PNKD: variants seen among roughly 807,000 people sequenced by gnomAD.
PNKD encodes the protein PNKD metallo-beta-lactamase domain containing.
A neutral mutation model predicts 45.3 loss-of-function variants in PNKD; 36 were observed. That is an observed-to-expected ratio of 0.80 (90% confidence interval 0.61 to 1.05). PNKD has a LOEUF of 1.05. Ranked by LOEUF, PNKD falls within the 50% of genes least tolerant of loss-of-function variation. The pLI is 0.00. For missense variants in PNKD, 511 were observed against 506.6 expected, an observed-to-expected ratio of 1.01 and a Z score of -0.08; for synonymous variants, 197 against 210.1, an observed-to-expected ratio of 0.94 and a Z score of 0.54.
At chr2:218,300,233 CTGAT>C (rs931236872) in intron 2 of PNKD, among the ~76,000 whole-genome samples, 2 of 152,216 alleles carry the variant, frequency 1.3e-5, no homozygotes, top group African/African-American at 4.8e-5. Flanking sequence ...ACGGTCCTGA[CTGAT>C]CTCGCTTTAA....
At position 218,346,216 on chromosome 2, in the gene PNKD, A is replaced by G. The variant is rs1694824156; in HGVS notation, c.*1235A>G. ...CACAGCGAGGAACCCTGTGGTCCTCAGGCAGGTGTACCTTGAGTCAGCCAG... is the reference window on the plus strand; with the variant it reads ...CACAGCGAGGAACCCTGTGGTCCTCGGGCAGGTGTACCTTGAGTCAGCCAG... On this transcript the variant is annotated 3_prime_UTR_variant, in exon 10 of 10. Coordinates refer to ENST00000273077, the MANE Select transcript of PNKD (RefSeq NM_015488.5). The G allele has an allele frequency of 6.6e-6, 1 of 152,664 alleles. No individual in the cohort carries two copies. Among genetic ancestry groups the G allele is most frequent in the Non-Finnish European group, 1.5e-5 (1 of 68,064 alleles). 9.5% of individuals were successfully genotyped at this position (152,664 alleles called of 1,614,324 possible). A position where few individuals can be genotyped will look rare whatever the true frequency, so the allele number is the denominator to read the frequency against.
chr2:218,303,537 G>A (rs1473698514), intron 2 of PNKD, among the ~76,000 whole-genome samples: 1 of 149,648 alleles, frequency 6.7e-6, no homozygotes, highest in Non-Finnish European at 1.5e-5. Flanking sequence ...ACCCTGAGGT[G>A]TCAATACCCC....
At position 218,277,422 on chromosome 2, in the gene PNKD, T is replaced by C. The variant is rs552204188; in HGVS notation, c.236+5873T>C. 6.8e-6 allele frequency: 11 copies of C among 1,614,188 alleles called. No individual in the cohort carries two copies. The Admixed American group carries it at 1.2e-4, about 17-fold the overall frequency. ...ATGGATACCACCGCAGTGATGATCA[T>C]TGCAATGATGACGGCTTTGGTTTGG... is the stretch of plus-strand genomic sequence containing the variant. On this transcript the variant is annotated intron_variant, in intron 2 of 9. Transcript: ENST00000273077.
chr2:218,305,711 T>C (rs1309079820), intron 2 of PNKD, among the ~76,000 whole-genome samples: 1 of 152,142 alleles, frequency 6.6e-6, no homozygotes, highest in Non-Finnish European at 1.5e-5. Flanking sequence ...GTGTGCCCCC[T>C]TCCGCCCCCA....
intron 2 of PNKD, among the ~76,000 whole-genome samples, chr2:218,322,037 C>T (rs923297390): frequency 4.0e-5 from 6 of 150,182 alleles, no homozygotes; most frequent in Non-Finnish European, 7.4e-5. Flanking sequence ...ATTCTCCTGT[C>T]TCAGCCTCCC....
At chr2:218,311,395 C>T (rs1385414177) in intron 2 of PNKD, among the ~76,000 whole-genome samples, 9 of 152,306 alleles carry the variant, frequency 5.9e-5, no homozygotes, top group East Asian at 3.9e-4. Context: ...GGACCCGCAC[C>T]GGTGCCGGCC....
At chr2:218,297,684 CAAAAAAA>C (rs71064428) in intron 2 of PNKD, among the ~76,000 whole-genome samples, 8 of 41,984 alleles carry the variant, frequency 1.9e-4, no homozygotes, top group Non-Finnish European at 1.2e-4. Context: ...GACTCCGTCT[CAAAAAAA>C]AAAAAAAAAA....
intron 2 of PNKD, among the ~76,000 whole-genome samples, chr2:218,328,261 AC>A (rs1289433510): frequency 6.6e-6 from 1 of 152,020 alleles, no homozygotes; most frequent in African/African-American, 2.4e-5. Context: ...AGACAACCCT[AC>A]CATCAGGCCT....
chr2:218,343,575 T>C lies in PNKD; in HGVS notation c.857T>C (p.Leu286Pro). The change falls in exon 8 of 10, where the codon CTT (leucine) becomes CCT (proline). Residue 286 changes from leucine (L) to proline (P), a missense_variant. Leu to Pro is a moderately conservative substitution (Grantham distance 98). Transcript: ENST00000273077. ...GTGCTGGGGCTAGGGGATGACACCCTTCTGTGGCCTGGTGAGACACCCCCT... is the reference window on the plus strand; with the variant it reads ...GTGCTGGGGCTAGGGGATGACACCCCTCTGTGGCCTGGTGAGACACCCCCT... ...DTVLGLGDDT[L>P]LWPGHEYAEE... 6.2e-7 allele frequency: 1 copy of C among 1,612,418 alleles called. No individual in the cohort carries two copies. Among genetic ancestry groups the C allele is most frequent in the Non-Finnish European group, 8.5e-7 (1 of 1,179,134 alleles).
chr2:218,272,938 T>C, intron 2 of PNKD: 2 of 1,475,642 alleles, frequency 1.4e-6, no homozygotes, highest in African/African-American at 1.4e-5. Flanking sequence ...GAGTGTTTAG[T>C]AGAAAGGAAC....
intron 2 of PNKD, chr2:218,318,248 G>C (rs954895927): frequency 2.0e-5 from 3 of 152,346 alleles, no homozygotes; most frequent in African/African-American, 7.2e-5. Context: ...GGCCAGACCT[G>C]CATGATCGCC....
intron 6 of PNKD, 42 bp downstream of exon 6, chr2:218,341,668 C>T: frequency 2.2e-6 from 3 of 1,370,414 alleles, no homozygotes; most frequent in African/African-American, 1.4e-5. Context: ...TTCCATGGGC[C>T]CTTTCCCCCA....
At chr2:218,333,492 C>T (rs1694389305) in intron 2 of PNKD, among the ~76,000 whole-genome samples, 1 of 152,230 alleles carries the variant, frequency 6.6e-6, no homozygotes, top group African/African-American at 2.4e-5. Context: ...AGTTGCTAAA[C>T]ATCTTCCACT....
intron 2 of PNKD, among the ~76,000 whole-genome samples, chr2:218,331,418 A>C (rs1305820080): frequency 6.6e-6 from 1 of 151,892 alleles, no homozygotes; most frequent in East Asian, 1.9e-4. Flanking sequence ...AAAAAAAAAA[A>C]CCCAAAACAA....
chr2:218,296,004 C>T (rs139599562), intron 2 of PNKD, among the ~76,000 whole-genome samples: 8 of 152,128 alleles, frequency 5.3e-5, no homozygotes, highest in African/African-American at 1.7e-4. Context: ...AGCACCACCA[C>T]GCCCGGCTAA....
rs748395743 is a variant in PNKD, at chr2:218,323,253, G to C, written c.237-16530G>C. 6 of 1,482,590 alleles carry C rather than the reference G, an allele frequency of 4.0e-6. No homozygotes were observed. In the Admixed American group the frequency reaches 7.2e-5, roughly 18 times the overall value. The allele number at this position is 1,482,590 out of a possible 1,614,324, so 91.8% of individuals were successfully genotyped here. On this transcript the variant is annotated intron_variant, in intron 2 of 9. Transcript: ENST00000273077. ...ACGCCGAGCCCCGCCCGGCCGGCGC[G>C]TGCCTGCCCCCAGCATGGCTTGGCA...
In PNKD at chr2:218,342,138, G is replaced by A. The variant is rs1397708540; in HGVS notation, c.775G>A (p.Gly259Ser). The A allele has an allele frequency of 6.2e-7, 1 of 1,612,772 alleles. No individual in the cohort carries two copies. Among genetic ancestry groups the A allele is most frequent in the South Asian group, 1.1e-5 (1 of 91,086 alleles). The part of the protein sequence containing the change: ...LFSGDLLFLS[G>S]CGRTFEGNAE... The stretch of plus-strand genomic sequence containing the variant: ...CTCAGGGGACCTGCTCTTCCTCTCT[G>A]GCTGTGGTGAGTTTCCCCGAAAGAG... Residue 259 changes from glycine to serine, a missense_variant, in exon 7 of 10, where the codon GGC becomes AGC. By Grantham distance (56) the Gly-to-Ser change is moderately conservative. Coordinates refer to ENST00000273077, the MANE Select transcript of PNKD (RefSeq NM_015488.5).
chr2:218,311,655 G>A (rs1257973165), intron 2 of PNKD, among the ~76,000 whole-genome samples: 3 of 152,090 alleles, frequency 2.0e-5, no homozygotes, highest in Admixed American at 6.6e-5. Context: ...GCCATAGGAC[G>A]GTTTTCTCCT....
intron 2 of PNKD, chr2:218,280,213 G>T: frequency 1.0e-6 from 1 of 974,824 alleles, no homozygotes. Flanking sequence ...CAAAGTCTCA[G>T]GGATCTCCAG....
Sources: gnomAD v4.1 joint callset for allele counts (sites outside exome capture counted in the v4.1 genomes callset) on GRCh38, gnomAD v4.1.1 for gene constraint, MANE v1.5 for transcripts, NCBI Gene and HGNC (gene_info 2026-07-23, HGNC 2026-07-21) for gene names.